Variants in SIPA1L1 observed in about 807,000 individuals in gnomAD.
The protein encoded by SIPA1L1 is signal-induced proliferation-associated 1-like protein 1.
Under a neutral mutation model 162.7 loss-of-function variants are expected in SIPA1L1, and 26 were observed. The observed-to-expected ratio is 0.16, with a 90% CI of 0.12 to 0.22. The LOEUF is 0.22. Ranked by LOEUF, SIPA1L1 falls within the 10% of genes least tolerant of loss-of-function variation. The pLI is 1.00. For synonymous variants in SIPA1L1, 829 were observed against 837.4 expected (o/e 0.99, Z 0.17); for missense variants, 1,874 against 2,241.0 (o/e 0.84, Z 3.31).
At chr14:71,640,725 A>G (rs2041626857) in intron 7 of SIPA1L1, among the ~76,000 whole-genome samples, 3 of 152,144 alleles carry the variant, frequency 2.0e-5, no homozygotes, top group Admixed American at 2.0e-4. Flanking sequence ...CCTGAGTTTA[A>G]GTGATTCTTG....
intron 2 of SIPA1L1, among the ~76,000 whole-genome samples, chr14:71,479,300 C>G (rs1010003666): frequency 1.2e-4 from 18 of 151,352 alleles, no homozygotes; most frequent in Non-Finnish European, 1.6e-4. Flanking sequence ...CTACCCAGGA[C>G]CAGTACCCCT....
chr14:71,556,745 G>C (rs987162815), intron 4 of SIPA1L1, among the ~76,000 whole-genome samples: 25 of 152,210 alleles, frequency 1.6e-4, no homozygotes, highest in African/African-American at 5.8e-4. Context: ...CTTCAAACCT[G>C]GTCCTTTGGG....
chr14:71,420,965 C>T (rs1411534877), intron 2 of SIPA1L1, among the ~76,000 whole-genome samples: 1 of 152,190 alleles, frequency 6.6e-6, no homozygotes, highest in Non-Finnish European at 1.5e-5. Context: ...AGCCTTCACA[C>T]ATCGCACGTG....
In SIPA1L1 at chr14:71,533,810, CTGAT is replaced by C. The variant is rs539678102; in HGVS notation, c.-303+4443_-303+4446del. On this transcript the variant is annotated intron_variant, in intron 4 of 23. Transcript: ENST00000381232. Reference sequence around the variant, plus strand: ...GACTTTAGAGTGAGTTTCTAAAAAACTGATTGGTAAAATATTTCATCAGTCAGTA... The same window carrying C: ...GACTTTAGAGTGAGTTTCTAAAAAACTGGTAAAATATTTCATCAGTCAGTA... Among the ~76,000 whole-genome samples the C allele has an allele frequency of 3.3e-5, 5 of 152,246 alleles. No homozygotes were observed. The South Asian group carries it at 1.0e-3, about 32-fold the overall frequency.
At chr14:71,448,898 A>C (rs1238270446) in intron 2 of SIPA1L1, 1 of 152,260 alleles carries the variant, frequency 6.6e-6, no homozygotes, top group Non-Finnish European at 1.5e-5. Flanking sequence ...TCAGTAGTGG[A>C]ATTGTGCCTG....
chr14:71,527,443 G>A (rs903180447), intron 3 of SIPA1L1, among the ~76,000 whole-genome samples: 1 of 152,022 alleles, frequency 6.6e-6, no homozygotes, highest in Admixed American at 6.6e-5. Flanking sequence ...CTGGGCTCAA[G>A]CAATCCTCCT....
chr14:71,327,098 T>G (rs1362226454), intron 2 of SIPA1L1, among the ~76,000 whole-genome samples: 3 of 150,066 alleles, frequency 2.0e-5, no homozygotes, highest in Non-Finnish European at 4.4e-5. Context: ...TTTTTTTTTT[T>G]GAGACGGAGT....
chr14:71,486,978 T>C (rs2048815420), intron 2 of SIPA1L1, among the ~76,000 whole-genome samples: 1 of 152,216 alleles, frequency 6.6e-6, no homozygotes, highest in Non-Finnish European at 1.5e-5. Flanking sequence ...ATAGAACTCT[T>C]GAAAGCTCTC....
At chr14:71,735,539 G>A (rs975382554) in intron 22 of SIPA1L1, 148 bp downstream of exon 22, 12 of 547,512 alleles carry the variant, frequency 2.2e-5, no homozygotes, top group Admixed American at 3.4e-5. Context: ...TAGTCAGAAC[G>A]CTTTGTAACT....
chr14:71,565,884 G>C (rs2030420450), intron 4 of SIPA1L1, among the ~76,000 whole-genome samples: 1 of 151,896 alleles, frequency 6.6e-6, no homozygotes, highest in Admixed American at 6.6e-5. Context: ...TGAAGTCCTT[G>C]TGCTTTTGCA....
chr14:71,348,203 A>T (rs999755357), intron 2 of SIPA1L1, among the ~76,000 whole-genome samples: 4 of 152,222 alleles, frequency 2.6e-5, no homozygotes, highest in Non-Finnish European at 5.9e-5. Context: ...ACCACCATGC[A>T]GGGTCAACAC....
At position 71,557,366 on chromosome 14, in the gene SIPA1L1, A is replaced by G. The variant is rs2056436228; in HGVS notation, c.-303+27996A>G. On this transcript the variant is annotated intron_variant, in intron 4 of 23. Coordinates refer to ENST00000381232, the MANE Select transcript of SIPA1L1 (RefSeq NM_001386936.1). ...CATTAGATATCACATTTTTTCCCTG[A>G]TATTTTATTAATTTCAAACTAAGTC... Among the ~76,000 whole-genome samples, 4 of 152,236 alleles carry G rather than the reference A, an allele frequency of 2.6e-5. No individual in the cohort carries two copies. In the South Asian group the frequency reaches 8.3e-4, roughly 32 times the overall value.
At chr14:71,546,046 G>A (rs1253534317) in intron 4 of SIPA1L1, among the ~76,000 whole-genome samples, 2 of 152,016 alleles carry the variant, frequency 1.3e-5, no homozygotes, top group African/African-American at 4.8e-5. Context: ...TTGTCCCACT[G>A]CACTCCAGCC....
At chr14:71,331,123 C>T (rs2034487161) in intron 2 of SIPA1L1, among the ~76,000 whole-genome samples, 2 of 152,122 alleles carry the variant, frequency 1.3e-5, no homozygotes, top group Admixed American at 1.3e-4. Context: ...ATGTGGGTAT[C>T]TTATTTTTTC....
rs923076716 is a variant in SIPA1L1 at position 71,597,971 on chromosome 14, T to A, written c.1498+8601T>A. Among the ~76,000 whole-genome samples, 46 of 152,360 alleles carry A rather than the reference T, an allele frequency of 3.0e-4. 1 individual carries two copies. The highest frequency in any genetic ancestry group is 3.4e-3 in the Middle Eastern group (1 of 294). ...GTTTTACAAATGAATGAATGTTTGT[T>A]GCTGAACAAGGCCTAAAATTTATTG... On this transcript the variant is annotated intron_variant, in intron 5 of 23. Transcript: ENST00000381232.
chr14:71,674,710 G>A (rs1168705152), intron 12 of SIPA1L1, among the ~76,000 whole-genome samples: 2 of 150,338 alleles, frequency 1.3e-5, no homozygotes, highest in Non-Finnish European at 3.0e-5. Context: ...GACTACAGGC[G>A]CCCGCCACTA....
chr14:71,655,104 C>T (rs1031290723), intron 8 of SIPA1L1, among the ~76,000 whole-genome samples: 1 of 152,044 alleles, frequency 6.6e-6, no homozygotes, highest in Admixed American at 6.6e-5. Context: ...TAGGGTTCTC[C>T]AACCCTTCCT....
chr14:71,392,653 G>T (rs1233163636), intron 2 of SIPA1L1, among the ~76,000 whole-genome samples: 1 of 151,652 alleles, frequency 6.6e-6, no homozygotes, highest in Non-Finnish European at 1.5e-5. Flanking sequence ...TCAGCCTCCC[G>T]AGTAGCTGGA....
chr14:71,321,033 C>T (rs866884694), intron 1 of SIPA1L1, 89 bp from the exon 2 acceptor site: 1 of 152,228 alleles, frequency 6.6e-6, no homozygotes, highest in African/African-American at 2.4e-5. Flanking sequence ...GCGCTCGGCG[C>T]CCGCCTCGGG....
Sources: gnomAD v4.1 joint callset for allele counts (sites outside exome capture counted in the v4.1 genomes callset) on GRCh38, gnomAD v4.1.1 for gene constraint, MANE v1.5 for transcripts, NCBI Gene and HGNC (gene_info 2026-07-23, HGNC 2026-07-21) for gene names.